Variants in TEX11 observed in about 807,000 individuals in gnomAD.
TEX11 encodes the protein testis expressed 11.
In TEX11, 7 loss-of-function variants were observed where a neutral mutation model predicts 84.4. That is an observed-to-expected ratio of 0.08 (90% CI 0.05 to 0.16). The LOEUF is 0.16. Among genes scored for constraint, TEX11 ranks in the 10% least tolerant of loss-of-function variants. The pLI is 1.00. For synonymous variants in TEX11, 264 were observed against 222.8 expected (o/e 1.18, Z -1.64); for missense variants, 551 against 660.5 (o/e 0.83, Z 1.82).
At chrX:70,539,038 A>ATATATATATATATATATATATATATTT in intron 28 of TEX11, among the ~76,000 whole-genome samples, 3 of 41,241 alleles carry the variant, frequency 7.3e-5, no homozygotes, top group African/African-American at 2.8e-4. Context: ...ATATATATAT[A>ATATATATATATATATATATATATATTT]TTTTTTTTTT....
At chrX:70,786,182 A>C (rs972651112) in intron 9 of TEX11, among the ~76,000 whole-genome samples, 9 of 111,430 alleles carry the variant, frequency 8.1e-5, no homozygotes, top group Non-Finnish European at 1.3e-4. Context: ...ACATGGATGA[A>C]GCTGGAAACC....
chrX:70,640,061 G>C (rs1440162160), intron 17 of TEX11, among the ~76,000 whole-genome samples: 2 of 108,161 alleles, frequency 1.8e-5, no homozygotes, highest in Non-Finnish European at 3.9e-5. Context: ...AACCAATACA[G>C]AGAAGTGCTT....
chrX:70,561,338 ATAAT>A (rs1199634703), intron 25 of TEX11, among the ~76,000 whole-genome samples: 2 of 107,837 alleles, frequency 1.9e-5, no homozygotes, highest in Non-Finnish European at 3.8e-5. Flanking sequence ...ATACAGAAAT[ATAAT>A]TAATTATTTA....
At chrX:70,609,426 A>T (rs992198601) in intron 21 of TEX11, among the ~76,000 whole-genome samples, 4 of 112,406 alleles carry the variant, frequency 3.6e-5, no homozygotes, top group African/African-American at 1.3e-4. Context: ...AATTAGTGCA[A>T]TCATTCACCA....
chrX:70,547,150 T>A (rs7066466), intron 28 of TEX11, among the ~76,000 whole-genome samples: 9,186 of 109,636 alleles, frequency 0.084, 473 homozygotes, highest in Admixed American at 0.24. Flanking sequence ...TTATATAATT[T>A]CATTTATATG....
intron 28 of TEX11, among the ~76,000 whole-genome samples, chrX:70,547,167 C>T (rs967606861): frequency 4.6e-5 from 5 of 109,863 alleles, no homozygotes; most frequent in East Asian, 2.8e-4. Flanking sequence ...TATGATGTGT[C>T]CAGAAAGAGA....
rs1602186211 is a variant in TEX11 at position 70,856,363 on chromosome X, T to C, written c.325-3035A>G. Among the ~76,000 whole-genome samples, 3 of 110,920 alleles carry C rather than the reference T, an allele frequency of 2.7e-5. 1 individual carries two copies. The Admixed American group carries it at 2.9e-4, about 11-fold the overall frequency. ...TTTGTCTGCTTATAAACACATATTT[T>C]ATATAAATTTTGTACATATATTTTA... On this transcript the variant is annotated intron_variant, in intron 5 of 29. Transcript: ENST00000374333.
chrX:70,653,419 C>A (rs2089830153), intron 16 of TEX11, among the ~76,000 whole-genome samples: 1 of 111,854 alleles, frequency 8.9e-6, no homozygotes, highest in Non-Finnish European at 1.9e-5. Context: ...ATGCAGATGG[C>A]AAATAAGTAT....
At chrX:70,684,040 T>C (rs1302180982) in intron 13 of TEX11, among the ~76,000 whole-genome samples, 1 of 111,270 alleles carries the variant, frequency 9.0e-6, no homozygotes, top group Non-Finnish European at 1.9e-5. Context: ...TCATATCATA[T>C]ACAAAAATTA....
chrX:70,757,100 C>A (rs760333377), intron 9 of TEX11, among the ~76,000 whole-genome samples: 1 of 111,972 alleles, frequency 8.9e-6, no homozygotes, highest in East Asian at 2.8e-4. Flanking sequence ...GACAAATTCT[C>A]CAAGAAATAT....
intron 9 of TEX11, among the ~76,000 whole-genome samples, chrX:70,789,797 T>A (rs189154834): frequency 1.8e-5 from 2 of 112,241 alleles, no homozygotes. Context: ...CCCCAAATAT[T>A]TGAAGTCAGT....
intron 9 of TEX11, among the ~76,000 whole-genome samples, chrX:70,792,952 C>T (rs778153277): frequency 2.7e-5 from 3 of 111,639 alleles, no homozygotes; most frequent in African/African-American, 9.8e-5. Flanking sequence ...CAACAAAATA[C>T]TAGCAAACTG....
At chrX:70,533,800 A>C (rs1179837858) in intron 28 of TEX11, among the ~76,000 whole-genome samples, 2 of 111,208 alleles carry the variant, frequency 1.8e-5, no homozygotes, top group Non-Finnish European at 3.8e-5. Flanking sequence ...ATACTCAAAA[A>C]TGTAAAAGAT....
chrX:70,815,273 G>A lies in TEX11; in HGVS notation c.607-8483C>T, dbSNP rs764414463. Among the ~76,000 whole-genome samples, 6 of 111,900 alleles carry A rather than the reference G, an allele frequency of 5.4e-5. No individual in the cohort carries two copies. In the East Asian group the frequency reaches 1.7e-3, roughly 31 times the overall value. On this transcript the variant is annotated intron_variant, in intron 8 of 29. Coordinates refer to ENST00000374333, the MANE Select transcript of TEX11 (RefSeq NM_031276.3). ...TATGCAAACATTTTTTAAAATAAAT[G>A]TTCAAAATATAAGAATTTTCTAACT...
At chrX:70,643,720 G>A (rs1237923593) in intron 17 of TEX11, among the ~76,000 whole-genome samples, 1 of 103,275 alleles carries the variant, frequency 9.7e-6, no homozygotes, top group Non-Finnish European at 2.0e-5. Flanking sequence ...CTAGCCATAT[G>A]TAGAAAGCTG....
At chrX:70,853,012 C>A in intron 7 of TEX11, 22 bp downstream of exon 7, 3 of 1,204,190 alleles carry the variant, frequency 2.5e-6, no homozygotes, top group Non-Finnish European at 3.4e-6. Context: ...CACTGGAAGA[C>A]CCTGGTGCCC....
rs1269049143 is a variant in TEX11, at chrX:70,670,501, G to C, written c.1256C>G (p.Thr419Ser). Residue 419 changes from threonine to serine, a missense_variant, in exon 16 of 30, where the codon ACT becomes AGT. By Grantham distance (58) the Thr-to-Ser change is moderately conservative (BLOSUM62 1). Coordinates refer to ENST00000374333, the MANE Select transcript of TEX11 (RefSeq NM_031276.3). ...ATAATAGTACCATTGTAGGGCATCA[G>C]TGTAATTTTGTACCTAAAGTTTAAA... is the stretch of plus-strand genomic sequence containing the variant. ...AASSFEVQNYTDALQWYYYSL... is the reference protein window; with the variant it reads ...AASSFEVQNYSDALQWYYYSL... 8.4e-7 allele frequency: 1 copy of C among 1,193,988 alleles called. No individual in the cohort carries two copies. Among genetic ancestry groups the C allele is most frequent in the East Asian group, 3.0e-5 (1 of 33,295 alleles).
intron 25 of TEX11, among the ~76,000 whole-genome samples, chrX:70,560,421 A>G (rs1216068789): frequency 1.8e-5 from 2 of 111,317 alleles, no homozygotes; most frequent in South Asian, 3.8e-4. Flanking sequence ...AAGTGCTGGG[A>G]TTACAGGAAC....
intron 11 of TEX11, among the ~76,000 whole-genome samples, chrX:70,740,219 T>C (rs1284188012): frequency 2.7e-5 from 3 of 111,671 alleles, no homozygotes; most frequent in African/African-American, 6.5e-5. Flanking sequence ...ACAACAGATA[T>C]TGATTTCTCA....
Sources: allele counts gnomAD v4.1 joint callset (sites outside exome capture counted in the v4.1 genomes callset), GRCh38; gene constraint gnomAD v4.1.1; transcripts MANE v1.5; gene names NCBI Gene and HGNC (gene_info 2026-07-23, HGNC 2026-07-21).